Variants in C4orf50 observed in about 807,000 individuals in gnomAD.
C4orf50 encodes uncharacterized protein C4orf50.
Under a neutral mutation model 77.2 loss-of-function variants are expected in C4orf50, and 80 were observed. The observed-to-expected ratio is 1.04, with a 90% CI of 0.87 to 1.25. The LOEUF (loss-of-function observed/expected upper bound fraction) is 1.25, where lower values mean the gene tolerates loss of function less well. Among genes scored for constraint, C4orf50 ranks in the 50% most tolerant of loss-of-function variants. The probability of loss-of-function intolerance (pLI) is 0.00; values close to 1 mark genes in which losing one functional copy is unlikely to be tolerated. For missense variants in C4orf50, 1,257 were observed against 1,152.9 expected, an observed-to-expected ratio of 1.09 and a Z score of -1.31; for synonymous variants, 532 against 465.3, an observed-to-expected ratio of 1.14 and a Z score of -1.84.
intron 29 of C4orf50, among the ~76,000 whole-genome samples, chr4:5,977,191 C>G (rs1720338296): frequency 6.6e-6 from 1 of 152,198 alleles, no homozygotes; most frequent in Admixed American, 6.5e-5. Flanking sequence ...GCCCACTGAT[C>G]CCCTGGAGGG....
chr4:5,931,453 C>G (rs1717764693), intron 7 of C4orf50, among the ~76,000 whole-genome samples: 1 of 152,104 alleles, frequency 6.6e-6, no homozygotes, highest in East Asian at 1.9e-4. Context: ...AGTGATTTAC[C>G]AGGATTCTCA....
chr4:5,980,901 G>T (rs1720549423), intron 28 of C4orf50, among the ~76,000 whole-genome samples: 1 of 152,110 alleles, frequency 6.6e-6, no homozygotes, highest in South Asian at 2.1e-4. Context: ...ACTCTTCTTG[G>T]ATCTAACATG....
At chr4:5,973,895 A>G in intron 30 of C4orf50, 54 bp from the exon 9 acceptor site, 1 of 1,428,960 alleles carries the variant, frequency 7.0e-7, no homozygotes, top group Non-Finnish European at 9.5e-7. Context: ...TGCATGGCTG[A>G]GCTGGAGGGC....
intron 25 of C4orf50, among the ~76,000 whole-genome samples, chr4:6,004,743 GTGATGA>G (rs1722174442): frequency 2.7e-5 from 4 of 150,690 alleles, no homozygotes; most frequent in East Asian, 2.0e-4. Context: ...AGTGATGATG[GTGATGA>G]TGGTGATGGT....
intron 25 of C4orf50, among the ~76,000 whole-genome samples, chr4:6,003,984 A>G (rs1577991326): frequency 7.7e-6 from 1 of 130,012 alleles, no homozygotes. Context: ...GATGATAGTG[A>G]TGATGGTGAT....
At chr4:5,912,968 A>C (rs1233423378) in intron 7 of C4orf50, among the ~76,000 whole-genome samples, 1 of 152,248 alleles carries the variant, frequency 6.6e-6, no homozygotes, top group Admixed American at 6.5e-5. Context: ...TCTGGCTTGC[A>C]TATGAAAGGC....
Position 5,932,804 on chromosome 4 carries a change from C to G in C4orf50, c.*2474+24097G>C, listed in dbSNP as rs562170882. 7.9e-5 allele frequency among the ~76,000 whole-genome samples: 12 copies of G among 152,256 alleles called. No individual in the cohort carries two copies. In the South Asian group the frequency reaches 1.0e-3, roughly 13 times the overall value. ...CCAGATCAGCAGAAATAGAAGGCAT[C>G]TTTTTTGAACTTCAGTTTCCTTCTG... On this transcript the variant is annotated intron_variant, in intron 7 of 7. Coordinates refer to the C4orf50 transcript ENST00000324058. The surrounding 1 kb of genome is among the most constrained non-coding windows in gnomAD (Gnocchi z 4.2).
rs1016574704 is a variant in C4orf50 at position 5,932,029 on chromosome 4, C to CTAAG, written c.*2474+24868_*2474+24871dup. ...AGAGTTGTCACCTGACCCCAAAATG[C>CTAAG]TAAGCTCTTCCCAACGCCCCCCCGC... On this transcript the variant is annotated intron_variant, in intron 7 of 7. Transcript: ENST00000324058. The surrounding 1 kb of genome is among the most constrained non-coding windows in gnomAD (Gnocchi z 4.2). Among the ~76,000 whole-genome samples, 16 of 151,954 alleles carry CTAAG rather than the reference C, an allele frequency of 1.1e-4. No homozygotes were observed. The highest frequency in any genetic ancestry group is 3.6e-4 in the African/African-American group (15 of 41,460).
chr4:5,967,349 A>C, intron 32 of C4orf50, 65 bp downstream of exon 10: 1 of 1,334,732 alleles, frequency 7.5e-7, no homozygotes, highest in South Asian at 1.2e-5. Context: ...CACCTCTCAC[A>C]GCGTCCTGCC....
At chr4:5,986,180 A>C (rs892262281) in intron 28 of C4orf50, among the ~76,000 whole-genome samples, 10 of 152,198 alleles carry the variant, frequency 6.6e-5, no homozygotes, top group Non-Finnish European at 4.4e-5. Context: ...GATATACAAC[A>C]ATCAAACAAT....
intron 7 of C4orf50, among the ~76,000 whole-genome samples, chr4:5,923,812 G>A (rs1717392236): frequency 6.6e-6 from 1 of 152,206 alleles, no homozygotes; most frequent in African/African-American, 2.4e-5. Flanking sequence ...GTGTCTGTGA[G>A]GGTGTTGCCA....
At position 5,942,504 on chromosome 4, in the gene C4orf50, A is replaced by G. The variant is rs1047261178; in HGVS notation, c.*2474+14397T>C. On this transcript the variant is annotated intron_variant, in intron 7 of 7. Coordinates refer to the C4orf50 transcript ENST00000324058. ...AAGACCTTGGAAAATGCCCAGCACA[A>G]AGTAAGTAGTGGGGATGAGGGAGGG... 5.9e-5 allele frequency among the ~76,000 whole-genome samples: 9 copies of G among 152,246 alleles called. No homozygotes were observed. In the South Asian group the frequency reaches 6.2e-4, roughly 11 times the overall value.
At chr4:5,925,991 C>T (rs560381227) in intron 7 of C4orf50, among the ~76,000 whole-genome samples, 25 of 152,278 alleles carry the variant, frequency 1.6e-4, no homozygotes, top group African/African-American at 3.9e-4. Flanking sequence ...CTGTGGAGAT[C>T]GGCAGCTGAG....
intron 33 of C4orf50, among the ~76,000 whole-genome samples, chr4:5,962,335 G>GT (rs558955045): frequency 8.7e-4 from 132 of 152,370 alleles, no homozygotes; most frequent in African/African-American, 3.0e-3. Context: ...GACCTTCTGT[G>GT]TTTTTAGTGA....
chr4:5,912,882 G>A (rs992334071), intron 7 of C4orf50, among the ~76,000 whole-genome samples: 2 of 152,220 alleles, frequency 1.3e-5, no homozygotes, highest in African/African-American at 4.8e-5. Flanking sequence ...GGCCTGGGAT[G>A]ACATGTGGCA....
chr4:5,979,819 C>T (rs1577960041), intron 29 of C4orf50, among the ~76,000 whole-genome samples: 1 of 152,192 alleles, frequency 6.6e-6, no homozygotes, highest in Non-Finnish European at 1.5e-5. Context: ...TGTTAAGTCC[C>T]GTGCAATTCT....
rs1327059789 is a variant in C4orf50, at chr4:5,901,216, C to T, written c.*2475-3028G>A. On this transcript the variant is annotated intron_variant, in intron 7 of 7. Coordinates refer to the C4orf50 transcript ENST00000324058. The surrounding 1 kb of genome is among the most constrained non-coding windows in gnomAD (Gnocchi z 4.4). ...TCCAAATTGTCATATGACAGATCAC[C>T]TTGTTCATAATGGCACACAGTAGGT... The T allele has an allele frequency of 1.3e-5, 2 of 152,204 alleles. No individual in the cohort carries two copies. Among genetic ancestry groups the T allele is most frequent in the Non-Finnish European group, 2.9e-5 (2 of 68,046 alleles). 9.4% of individuals were successfully genotyped at this position (152,204 alleles called of 1,614,324 possible).
chr4:5,902,414 G>T (rs1716379408), intron 7 of C4orf50: 1 of 152,194 alleles, frequency 6.6e-6, no homozygotes, highest in African/African-American at 2.4e-5. Flanking sequence ...CTTAGGTTTT[G>T]AAATCAGGCC....
At chr4:5,924,967 G>C (rs970298340) in intron 7 of C4orf50, among the ~76,000 whole-genome samples, 1 of 152,114 alleles carries the variant, frequency 6.6e-6, no homozygotes, top group African/African-American at 2.4e-5. Context: ...TGCAGCTCAG[G>C]AGGAAGTCTG....
Sources: gnomAD v4.1 joint callset for allele counts (sites outside exome capture counted in the v4.1 genomes callset) on GRCh38, gnomAD v4.1.1 for gene constraint, Gnocchi (gnomAD v3.1) non-coding constraint, MANE v1.5 for transcripts, NCBI Gene and HGNC (gene_info 2026-07-23, HGNC 2026-07-21) for gene names.